Variants in CREB5 observed in about 807,000 individuals in gnomAD.
CREB5 encodes the protein cyclic AMP-responsive element-binding protein 5.
A neutral mutation model predicts 57.1 loss-of-function variants in CREB5; 19 were observed. The ratio of observed to expected loss-of-function variants is 0.33; its 90% CI spans 0.23 to 0.49. The LOEUF is 0.49. CREB5 is among the 20% of genes least tolerant of loss of function. The pLI is 0.99. For synonymous variants in CREB5, 238 were observed against 238.3 expected (o/e 1.00, Z 0.01); for missense variants, 579 against 671.6 (o/e 0.86, Z 1.52).
Position 28,650,679 on chromosome 7 carries a change from A to C in CREB5, c.465-68074A>C, listed in dbSNP as rs573831573. On this transcript the variant is annotated intron_variant, in intron 5 of 10. Transcript: ENST00000357727. The stretch of plus-strand genomic sequence containing the variant: ...TTATTTTGTTCAATGATATAAAATA[A>C]AGCTGAAATTTCTGAACTACATATT... 2.0e-5 allele frequency among the ~76,000 whole-genome samples: 3 copies of C among 152,348 alleles called. No individual in the cohort carries two copies. In the South Asian group the frequency reaches 6.2e-4, roughly 32 times the overall value.
At chr7:28,486,949 A>AAAAAC (rs1791582061) in intron 1 of CREB5, among the ~76,000 whole-genome samples, 3 of 151,880 alleles carry the variant, frequency 2.0e-5, no homozygotes, top group East Asian at 3.9e-4. Context: ...ATTTTTATTT[A>AAAAAC]AAAACAAAAC....
intron 7 of CREB5, among the ~76,000 whole-genome samples, chr7:28,734,508 GTTTCACTTAAAAATTTAACTA>G (rs934488249): frequency 6.6e-6 from 1 of 151,904 alleles, no homozygotes; most frequent in African/African-American, 2.4e-5. Flanking sequence ...ATCTTATGGG[GTTTCACTTAAAAATTTAACTA>G]TTTCCTCATT....
intron 7 of CREB5, among the ~76,000 whole-genome samples, chr7:28,800,050 ACT>A (rs1808274099): frequency 6.6e-6 from 1 of 152,228 alleles, no homozygotes; most frequent in African/African-American, 2.4e-5. Flanking sequence ...CACTGAGCAA[ACT>A]CTAACATGGT....
chr7:28,614,282 A>G (rs967125463), intron 5 of CREB5, among the ~76,000 whole-genome samples: 2 of 152,186 alleles, frequency 1.3e-5, no homozygotes, highest in African/African-American at 2.4e-5. Context: ...GCTTGTTCAG[A>G]TGGCAGTCAT....
intron 5 of CREB5, among the ~76,000 whole-genome samples, chr7:28,581,829 G>A (rs1796134824): frequency 6.6e-6 from 1 of 152,218 alleles, no homozygotes. Flanking sequence ...GAGGCGCCAT[G>A]TCTGGGTAAT....
upstream of CREB5, among the ~76,000 whole-genome samples, chr7:28,408,998 C>A (rs1294717989): frequency 6.6e-6 from 1 of 152,072 alleles, no homozygotes; most frequent in Non-Finnish European, 1.5e-5. Context: ...CCCATCAGGC[C>A]CTCCCCGCAG....
At chr7:28,801,578 A>G (rs1808368681) in intron 7 of CREB5, among the ~76,000 whole-genome samples, 1 of 152,206 alleles carries the variant, frequency 6.6e-6, no homozygotes, top group South Asian at 2.1e-4. Flanking sequence ...CCACAGTTAC[A>G]AAATTATTCT....
intron 1 of CREB5, among the ~76,000 whole-genome samples, chr7:28,327,571 T>C (rs189407732): frequency 6.6e-6 from 1 of 152,386 alleles, no homozygotes; most frequent in African/African-American, 2.4e-5. Flanking sequence ...GCATTACTTA[T>C]TTGTCTCTGC....
At chr7:28,306,599 C>T (rs957604543) in intron 1 of CREB5, among the ~76,000 whole-genome samples, 2 of 113,746 alleles carry the variant, frequency 1.8e-5, no homozygotes, top group East Asian at 2.9e-4. Flanking sequence ...CTCGCTCTGT[C>T]GCCCAGGCTG....
chr7:28,560,875 C>CGTGT (rs1238154632), intron 4 of CREB5, among the ~76,000 whole-genome samples: 4 of 19,218 alleles, frequency 2.1e-4, no homozygotes, highest in Admixed American at 6.5e-4. Flanking sequence ...CCTGCGTGCG[C>CGTGT]GTGCGTGCGT....
intron 4 of CREB5, among the ~76,000 whole-genome samples, chr7:28,560,932 G>GGAAC (rs1255521666): frequency 2.2e-5 from 1 of 45,268 alleles, no homozygotes; most frequent in African/African-American, 1.0e-4. Context: ...GCGCGTGCGT[G>GGAAC]TGTGCGTGCG....
chr7:28,745,197 T>A (rs1804623953), intron 7 of CREB5, among the ~76,000 whole-genome samples: 3 of 152,244 alleles, frequency 2.0e-5, no homozygotes, highest in South Asian at 2.1e-4. Flanking sequence ...CTTTCAATGA[T>A]GTTTTGGCAA....
intron 4 of CREB5, among the ~76,000 whole-genome samples, chr7:28,564,393 A>G (rs939388326): frequency 1.3e-5 from 2 of 152,156 alleles, no homozygotes; most frequent in African/African-American, 4.8e-5. Context: ...TTCATCCTTC[A>G]TTACCACACC....
intron 5 of CREB5, among the ~76,000 whole-genome samples, chr7:28,664,706 C>A (rs1799745849): frequency 6.6e-6 from 1 of 152,102 alleles, no homozygotes; most frequent in Non-Finnish European, 1.5e-5. Flanking sequence ...TCCAAAGATT[C>A]ACCAAGATTC....
intron 4 of CREB5, among the ~76,000 whole-genome samples, chr7:28,560,955 T>TGTGCGTGCGTGC (rs1795212076): frequency 4.5e-5 from 1 of 22,146 alleles, no homozygotes; most frequent in African/African-American, 1.6e-4. Context: ...TGTGTGCGTG[T>TGTGCGTGCGTGC]GTGTGCGTGT....
At chr7:28,319,454 A>G (rs1436294367) in intron 1 of CREB5, among the ~76,000 whole-genome samples, 1 of 152,192 alleles carries the variant, frequency 6.6e-6, no homozygotes, top group African/African-American at 2.4e-5. Flanking sequence ...TTGATTCCCA[A>G]GATTCCTAGT....
chr7:28,653,310 T>C (rs1339988575), intron 5 of CREB5, among the ~76,000 whole-genome samples: 3 of 152,198 alleles, frequency 2.0e-5, no homozygotes, highest in Non-Finnish European at 4.4e-5. Context: ...GATTTTGAAA[T>C]GCAGGTGATT....
intron 5 of CREB5, among the ~76,000 whole-genome samples, chr7:28,677,373 G>A (rs1384944893): frequency 6.6e-6 from 1 of 151,966 alleles, no homozygotes; most frequent in Non-Finnish European, 1.5e-5. Flanking sequence ...GGTAATACCT[G>A]GAGACCTACG....
At chr7:28,574,987 A>G (rs1176277956) in intron 5 of CREB5, among the ~76,000 whole-genome samples, 2 of 152,234 alleles carry the variant, frequency 1.3e-5, no homozygotes, top group African/African-American at 2.4e-5. Context: ...ATAAAATATC[A>G]TAGAAGAAAA....
Sources: allele counts gnomAD v4.1 joint callset (sites outside exome capture counted in the v4.1 genomes callset), GRCh38; gene constraint gnomAD v4.1.1; transcripts MANE v1.5; gene names NCBI Gene and HGNC (gene_info 2026-07-23, HGNC 2026-07-21).